NLGN4X: variants seen among roughly 807,000 people sequenced by gnomAD.
NLGN4X encodes the protein neuroligin-4, X-linked.
In NLGN4X, 3 loss-of-function variants were observed where a neutral mutation model predicts 40.3. That is an observed-to-expected ratio of 0.07 (90% CI 0.03 to 0.19). The LOEUF (loss-of-function observed/expected upper bound fraction) is 0.19. Among genes scored for constraint, NLGN4X ranks in the 10% least tolerant of loss-of-function variants. The pLI, the probability that NLGN4X is intolerant of heterozygous loss-of-function variation, is 1.00. For missense variants in NLGN4X, 382 were observed against 708.3 expected, an observed-to-expected ratio of 0.54 and a Z score of 5.23; for synonymous variants, 270 against 306.8, an observed-to-expected ratio of 0.88 and a Z score of 1.25.
At chrX:5,916,038 G>A (rs907317781) in intron 3 of NLGN4X, among the ~76,000 whole-genome samples, 4 of 111,507 alleles carry the variant, frequency 3.6e-5, no homozygotes, top group Non-Finnish European at 5.6e-5. Flanking sequence ...TGGGTGCTAC[G>A]TCCTTTTAGC....
chrX:5,976,167 T>C (rs1031111754), intron 3 of NLGN4X, among the ~76,000 whole-genome samples: 1 of 112,587 alleles, frequency 8.9e-6, no homozygotes, highest in Non-Finnish European at 1.9e-5. Context: ...CTGACTTTAA[T>C]AATCACAATA....
rs1053711429 is a variant in NLGN4X, at chrX:5,891,482, T to A, written c.*1335A>T. 2.2e-5 allele frequency: 6 copies of A among 270,712 alleles called. No individual in the cohort carries two copies. The highest frequency in any genetic ancestry group is 1.4e-4 in the African/African-American group (5 of 34,672). The allele number at this position is 270,712 out of a possible 1,213,427, so 22.3% of individuals were successfully genotyped here. A position where few individuals can be genotyped will look rare whatever the true frequency, so the allele number is the denominator to read the frequency against. On this transcript the variant is annotated 3_prime_UTR_variant, in exon 6 of 6. Coordinates refer to ENST00000381095, the MANE Select transcript of NLGN4X (RefSeq NM_181332.3). Reference sequence around the variant, plus strand: ...AAACAAAAAGGAAAGACACATGTCTTCCTTCAATCTGATTAGCTAAGCTGA... The same window carrying A: ...AAACAAAAAGGAAAGACACATGTCTACCTTCAATCTGATTAGCTAAGCTGA...
intron 1 of NLGN4X, among the ~76,000 whole-genome samples, chrX:6,169,754 A>T (rs2040566310): frequency 8.9e-6 from 1 of 112,465 alleles, no homozygotes; most frequent in Non-Finnish European, 1.9e-5. Flanking sequence ...AGCCATGCAC[A>T]ATTGGCTTCC....
At chrX:6,196,281 G>A (rs1923037844) in intron 1 of NLGN4X, among the ~76,000 whole-genome samples, 1 of 111,438 alleles carries the variant, frequency 9.0e-6, no homozygotes, top group Non-Finnish European at 1.9e-5. Context: ...AAGTGTTTCG[G>A]TGGCTCACGC....
At position 6,007,065 on chromosome X, in the gene NLGN4X, T is replaced by C. The variant is rs2036120469; in HGVS notation, c.625+22215A>G. On this transcript the variant is annotated intron_variant, in intron 3 of 5. Transcript: ENST00000381095. ...ATCAACTTAAGTGTCCATCAACAGATGACTGGATATATAAATGTTTATATA... is the reference window on the plus strand; with the variant it reads ...ATCAACTTAAGTGTCCATCAACAGACGACTGGATATATAAATGTTTATATA... 2.7e-5 allele frequency among the ~76,000 whole-genome samples: 3 copies of C among 111,878 alleles called. No homozygotes were observed. The Admixed American group carries it at 2.9e-4, about 11-fold the overall frequency.
chrX:6,008,599 T>C (rs1202171412), intron 3 of NLGN4X, among the ~76,000 whole-genome samples: 2 of 112,216 alleles, frequency 1.8e-5, no homozygotes, highest in African/African-American at 6.5e-5. Context: ...TTGCAGGATA[T>C]GAGATACTGA....
chrX:6,108,541 T>C (rs1484272791), intron 2 of NLGN4X, among the ~76,000 whole-genome samples: 1 of 110,306 alleles, frequency 9.1e-6, no homozygotes, highest in African/African-American at 3.3e-5. Context: ...TGGCTGGGCA[T>C]GGTGGTGTGC....
chrX:6,079,077 G>A lies in NLGN4X; in HGVS notation c.473-49645C>T, dbSNP rs148436911. 2.7e-4 allele frequency among the ~76,000 whole-genome samples: 26 copies of A among 97,819 alleles called. No individual in the cohort carries two copies. In the East Asian group the frequency reaches 5.1e-3, roughly 19 times the overall value. 84.9% of individuals were successfully genotyped at this position (97,819 alleles called of 115,157 possible). On this transcript the variant is annotated intron_variant, in intron 2 of 5. Transcript: ENST00000381095. The stretch of plus-strand genomic sequence containing the variant: ...TTTCCTGAGGCCTTCCCAGCTATGC[G>A]GAACTGTGAGTCAATTAAACCTCTT...
intron 3 of NLGN4X, among the ~76,000 whole-genome samples, chrX:6,025,392 A>G (rs1353816777): frequency 8.9e-6 from 1 of 111,987 alleles, no homozygotes; most frequent in Non-Finnish European, 1.9e-5. Context: ...ATGTTATTTT[A>G]AATTAACATG....
intron 1 of NLGN4X, among the ~76,000 whole-genome samples, chrX:6,171,708 C>T (rs1288020326): frequency 8.9e-6 from 1 of 112,313 alleles, no homozygotes; most frequent in African/African-American, 3.2e-5. Flanking sequence ...TCAGTGAAGA[C>T]ATGAAGCATT....
At position 5,983,249 on chromosome X, in the gene NLGN4X, C is replaced by T. The variant is rs1602002867; in HGVS notation, c.625+46031G>A. Among the ~76,000 whole-genome samples the T allele has an allele frequency of 5.4e-5, 6 of 112,065 alleles. No homozygotes were observed. The South Asian group carries it at 1.8e-3, about 34-fold the overall frequency. ...AATTTCGCTACCCATGGGTTATCTG[C>T]TTTGGAGAAAGATGCCACTAATCCA... On this transcript the variant is annotated intron_variant, in intron 3 of 5. Transcript: ENST00000381095.
At position 6,139,998 on chromosome X, in the gene NLGN4X, C is replaced by T. The variant is rs375664923; in HGVS notation, c.472+10997G>A. ...GAGGCTAAAGTCCATATGTGACAGG[C>T]AAATGGGATGTTAGGTGAATATTAG... On this transcript the variant is annotated intron_variant, in intron 2 of 5. Coordinates refer to ENST00000381095, the MANE Select transcript of NLGN4X (RefSeq NM_181332.3). 8.6e-4 allele frequency among the ~76,000 whole-genome samples: 96 copies of T among 111,283 alleles called. No homozygotes were observed. The South Asian group carries it at 0.013, about 15-fold the overall frequency.
chrX:5,906,465 A>G (rs1310443004), intron 4 of NLGN4X, among the ~76,000 whole-genome samples: 2 of 111,706 alleles, frequency 1.8e-5, no homozygotes, highest in Non-Finnish European at 3.8e-5. Flanking sequence ...ACGGTGCCGA[A>G]GTGAAGAAAG....
intron 3 of NLGN4X, among the ~76,000 whole-genome samples, chrX:5,952,472 A>G (rs757897326): frequency 4.6e-5 from 5 of 108,390 alleles, no homozygotes; most frequent in Non-Finnish European, 7.7e-5. Flanking sequence ...TCTATTGCCT[A>G]TTTTTATATG....
chrX:6,018,248 G>GTA (rs2036443372), intron 3 of NLGN4X, among the ~76,000 whole-genome samples: 2 of 111,063 alleles, frequency 1.8e-5, no homozygotes, highest in Middle Eastern at 4.3e-3. Context: ...CTATATATGT[G>GTA]TATATATATG....
At position 5,921,454 on chromosome X, in the gene NLGN4X, G is replaced by C. The variant is rs759642209; in HGVS notation, c.626-12215C>G. 1.2e-4 allele frequency among the ~76,000 whole-genome samples: 13 copies of C among 106,520 alleles called. No homozygotes were observed. The East Asian group carries it at 1.5e-3, about 12-fold the overall frequency. 92.5% of individuals were successfully genotyped at this position (106,520 alleles called of 115,157 possible). ...GAGAGAGGAGAGACAGAGACAGAGA[G>C]AGAGAGAGGCAGCCTAATACTTCCA... On this transcript the variant is annotated intron_variant, in intron 3 of 5. Coordinates refer to ENST00000381095, the MANE Select transcript of NLGN4X (RefSeq NM_181332.3).
chrX:6,123,204 G>A (rs1368577021), intron 2 of NLGN4X, among the ~76,000 whole-genome samples: 1 of 111,821 alleles, frequency 8.9e-6, no homozygotes, highest in Non-Finnish European at 1.9e-5. Context: ...TACCTCAAAT[G>A]TAAACAAAAT....
intron 1 of NLGN4X, among the ~76,000 whole-genome samples, chrX:6,185,112 C>T (rs1172362237): frequency 8.0e-5 from 9 of 112,519 alleles, no homozygotes; most frequent in Admixed American, 9.4e-5. Flanking sequence ...CACTGTGATA[C>T]ATACTTGGCA....
chrX:6,171,579 G>T (rs377317186), intron 1 of NLGN4X, among the ~76,000 whole-genome samples: 1 of 112,123 alleles, frequency 8.9e-6, no homozygotes, highest in East Asian at 2.8e-4. Flanking sequence ...GTAAATTTTC[G>T]GAAATGCTAC....
Sources: gnomAD v4.1 joint callset for allele counts (sites outside exome capture counted in the v4.1 genomes callset) on GRCh38, gnomAD v4.1.1 for gene constraint, MANE v1.5 for transcripts, NCBI Gene and HGNC (gene_info 2026-07-23, HGNC 2026-07-21) for gene names.